The following PARD3B variants were observed in gnomAD, a reference collection of about 807,000 sequenced individuals.
PARD3B encodes partitioning defective 3 homolog B.
In PARD3B, 103 loss-of-function variants were observed where a neutral mutation model predicts 130.2. That is an observed-to-expected ratio of 0.79 (90% CI 0.67 to 0.93). PARD3B has a LOEUF of 0.93. PARD3B is among the 40% of genes least tolerant of loss of function. The pLI, the probability that PARD3B is intolerant of heterozygous loss-of-function variation, is 0.00. For missense variants in PARD3B, 1,609 were observed against 1,499.2 expected, an observed-to-expected ratio of 1.07 and a Z score of -1.21; for synonymous variants, 583 against 553.2, an observed-to-expected ratio of 1.05 and a Z score of -0.76.
chr2:205,140,692 T>C (rs1029398986), intron 10 of PARD3B, among the ~76,000 whole-genome samples: 1 of 152,144 alleles, frequency 6.6e-6, no homozygotes, highest in Non-Finnish European at 1.5e-5. Flanking sequence ...CAAAGTACAA[T>C]GTGTACTGTT....
intron 3 of PARD3B, among the ~76,000 whole-genome samples, chr2:204,987,807 A>G (rs554420542): frequency 6.6e-6 from 1 of 152,252 alleles, no homozygotes; most frequent in African/African-American, 2.4e-5. Context: ...AAAATTAGAA[A>G]CATTATCTGT....
intron 16 of PARD3B, among the ~76,000 whole-genome samples, chr2:205,260,559 GT>G (rs1202551283): frequency 6.6e-6 from 1 of 152,122 alleles, no homozygotes; most frequent in Admixed American, 6.6e-5. Flanking sequence ...TGATTTGCAT[GT>G]GCTTTTCTTC....
rs2038349023 is a variant in PARD3B, at chr2:204,709,798, AT to A, written c.222+23517del. Reference sequence around the variant, plus strand: ...GTTATAGGCTACAGCTTTAAGGGTCATCACACTTTGCATGCTCAGAATTTTA... The same window carrying A: ...GTTATAGGCTACAGCTTTAAGGGTCACACACTTTGCATGCTCAGAATTTTA... On this transcript the variant is annotated intron_variant, in intron 2 of 22. Transcript: ENST00000406610. 2.0e-5 allele frequency among the ~76,000 whole-genome samples: 3 copies of A among 152,368 alleles called. No homozygotes were observed. In the South Asian group the frequency reaches 6.2e-4, roughly 32 times the overall value.
intron 10 of PARD3B, among the ~76,000 whole-genome samples, chr2:205,152,936 G>T (rs531843268): frequency 4.6e-5 from 7 of 152,158 alleles, no homozygotes; most frequent in Non-Finnish European, 1.0e-4. Flanking sequence ...TACAGATGGG[G>T]TTTTGGTGTG....
At position 205,276,612 on chromosome 2, in the gene PARD3B, T is replaced by TC. The variant is rs981103914; in HGVS notation, c.2186-23916dup. On this transcript the variant is annotated intron_variant, in intron 16 of 22. Transcript: ENST00000406610. This position sits in a 1 kb window ranked among gnomAD's most constrained non-coding sequence, Gnocchi z 5.0. ...CTCGGCAACGTTGGGGGATATTTAT[T>TC]CCGGGGAAGTCAGAGAAGCTCCAAA... Among the ~76,000 whole-genome samples the TC allele has an allele frequency of 3.9e-5, 6 of 152,164 alleles. 1 individual carries two copies. Among genetic ancestry groups the TC allele is most frequent in the African/African-American group, 1.2e-4 (5 of 41,440 alleles).
At chr2:204,961,457 T>G (rs893705503) in intron 2 of PARD3B, among the ~76,000 whole-genome samples, 8 of 152,108 alleles carry the variant, frequency 5.3e-5, no homozygotes, top group Non-Finnish European at 8.8e-5. Flanking sequence ...AATTGGGATG[T>G]AAAGAGCTAT....
At chr2:204,652,452 A>C (rs2035511856) in intron 1 of PARD3B, among the ~76,000 whole-genome samples, 1 of 152,160 alleles carries the variant, frequency 6.6e-6, no homozygotes, top group African/African-American at 2.4e-5. Flanking sequence ...AAGGGTGACC[A>C]TTACCCCAGT....
chr2:205,450,229 C>T (rs1173862987), intron 20 of PARD3B, among the ~76,000 whole-genome samples: 1 of 151,986 alleles, frequency 6.6e-6, no homozygotes, highest in African/African-American at 2.4e-5. Context: ...GATTATTGAA[C>T]TAAATATAAC....
intron 22 of PARD3B, among the ~76,000 whole-genome samples, chr2:205,594,798 G>C (rs551268533): frequency 5.9e-5 from 9 of 152,280 alleles, no homozygotes; most frequent in African/African-American, 1.9e-4. Flanking sequence ...TTCCTACCCT[G>C]ACATATCAGT....
chr2:204,754,071 G>C (rs1400159390), intron 2 of PARD3B, among the ~76,000 whole-genome samples: 1 of 152,068 alleles, frequency 6.6e-6, no homozygotes, highest in Non-Finnish European at 1.5e-5. Context: ...TTGCCTGCTG[G>C]GATTCTAGCA....
At chr2:204,628,033 A>G (rs937296318) in intron 1 of PARD3B, among the ~76,000 whole-genome samples, 2 of 149,024 alleles carry the variant, frequency 1.3e-5, no homozygotes, top group Non-Finnish European at 3.0e-5. Context: ...GTTAGTGTAT[A>G]TTACATGTGG....
intron 2 of PARD3B, among the ~76,000 whole-genome samples, chr2:204,718,947 A>ATCAAATTTGTACAGT (rs2038867801): frequency 6.6e-6 from 1 of 152,226 alleles, no homozygotes; most frequent in Non-Finnish European, 1.5e-5. Context: ...GACATATTTA[A>ATCAAATTTGTACAGT]TCAAATTTGT....
Position 205,185,784 on chromosome 2 carries a change from G to T in PARD3B, c.1945G>T (p.Gly649Ter). 2 of 1,613,892 alleles carry T rather than the reference G, an allele frequency of 1.2e-6. No homozygotes were observed. The highest frequency in any genetic ancestry group is 1.7e-6 in the Non-Finnish European group (2 of 1,179,830). ...TATAGGTCTATTGCTGCCCAATGAC[G>T]GATGGGCCGAGAGTGAAGTTCCACC... is the stretch of plus-strand genomic sequence containing the variant. ...KQKGLLLPND[G>*]WAESEVPPSP... The change falls in exon 14 of 23, where the codon GGA becomes TGA. Residue 649 changes from glycine (G) to a stop codon, truncating the protein, a stop_gained. Transcript: ENST00000406610. LOFTEE classifies it high-confidence loss of function.
At chr2:205,131,827 T>G (rs2125647717) in intron 10 of PARD3B, among the ~76,000 whole-genome samples, 1 of 152,312 alleles carries the variant, frequency 6.6e-6, no homozygotes, top group East Asian at 1.9e-4. Context: ...AGTGCTATTT[T>G]GAATAAGTTT....
intron 1 of PARD3B, among the ~76,000 whole-genome samples, chr2:204,683,348 G>A (rs1459089665): frequency 6.6e-6 from 1 of 152,162 alleles, no homozygotes; most frequent in Non-Finnish European, 1.5e-5. Flanking sequence ...CCCAGTGACA[G>A]TATGAACCAG....
intron 2 of PARD3B, among the ~76,000 whole-genome samples, chr2:204,740,447 G>A (rs115859350): frequency 0.028 from 4,322 of 152,256 alleles, 192 homozygotes; most frequent in African/African-American, 0.097. Flanking sequence ...CAGCTTAGCC[G>A]CAGTAGTATA....
At chr2:205,249,361 A>G (rs1275635529) in intron 16 of PARD3B, among the ~76,000 whole-genome samples, 1 of 152,016 alleles carries the variant, frequency 6.6e-6, no homozygotes, top group Non-Finnish European at 1.5e-5. Context: ...CATTTTAATA[A>G]ATTCATCTGA....
At chr2:204,991,210 A>C (rs899172123) in intron 3 of PARD3B, among the ~76,000 whole-genome samples, 4 of 148,172 alleles carry the variant, frequency 2.7e-5, no homozygotes, top group South Asian at 4.4e-4. Flanking sequence ...ATATCTCCCA[A>C]TGCTATCCCT....
At chr2:204,573,476 AG>A (rs1283816117) in intron 1 of PARD3B, among the ~76,000 whole-genome samples, 1 of 152,202 alleles carries the variant, frequency 6.6e-6, no homozygotes, top group Non-Finnish European at 1.5e-5. Context: ...TAAAGAGGTT[AG>A]ATGACCCTCC....
Sources: gnomAD v4.1 joint callset for allele counts (sites outside exome capture counted in the v4.1 genomes callset) on GRCh38, gnomAD v4.1.1 for gene constraint, Gnocchi (gnomAD v3.1) non-coding constraint, MANE v1.5 for transcripts, NCBI Gene and HGNC (gene_info 2026-07-23, HGNC 2026-07-21) for gene names.